Variants in ADAM10 observed in about 807,000 individuals in gnomAD.
The protein encoded by ADAM10 is ADAM metallopeptidase domain 10.
Under a neutral mutation model 90.1 loss-of-function variants are expected in ADAM10, and 17 were observed. That is an observed-to-expected ratio of 0.19 (90% CI 0.13 to 0.28). The LOEUF (loss-of-function observed/expected upper bound fraction) is 0.28. Among genes scored for constraint, ADAM10 ranks in the 10% least tolerant of loss-of-function variants. ADAM10 has a pLI of 1.00. For missense variants in ADAM10, 610 were observed against 914.3 expected, an observed-to-expected ratio of 0.67 and a Z score of 4.29; for synonymous variants, 310 against 298.6, an observed-to-expected ratio of 1.04 and a Z score of -0.40.
chr15:58,723,742 A>G (rs942991138), intron 1 of ADAM10, among the ~76,000 whole-genome samples: 1 of 152,024 alleles, frequency 6.6e-6, no homozygotes, highest in Non-Finnish European at 1.5e-5. Context: ...CACCCACTTT[A>G]TATCATAGCA....
intron 2 of ADAM10, among the ~76,000 whole-genome samples, chr15:58,683,654 G>T (rs935843456): frequency 6.6e-6 from 1 of 151,994 alleles, no homozygotes; most frequent in African/African-American, 2.4e-5. Context: ...CTGAGGTCAG[G>T]AGTTCAAGAC....
At chr15:58,719,282 C>G (rs780976242) in intron 1 of ADAM10, among the ~76,000 whole-genome samples, 1 of 152,074 alleles carries the variant, frequency 6.6e-6, no homozygotes, top group Non-Finnish European at 1.5e-5. Context: ...CGAGATCATG[C>G]CATTGCACTC....
chr15:58,632,258 A>C (rs1896124688), intron 9 of ADAM10, among the ~76,000 whole-genome samples: 1 of 152,200 alleles, frequency 6.6e-6, no homozygotes, highest in South Asian at 2.1e-4. Context: ...ATCGCTGTTA[A>C]TTTTGTTAGG....
At chr15:58,632,645 T>C (rs1257661589) in intron 9 of ADAM10, among the ~76,000 whole-genome samples, 1 of 152,240 alleles carries the variant, frequency 6.6e-6, no homozygotes, top group African/African-American at 2.4e-5. Flanking sequence ...GCACTATTTG[T>C]TCTACTTTTG....
chr15:58,741,762 T>A (rs538463773), intron 1 of ADAM10, among the ~76,000 whole-genome samples: 2,098 of 152,312 alleles, frequency 0.014, 29 homozygotes, highest in Non-Finnish European at 0.019. Context: ...ATCATTCTAA[T>A]CCAAGACTCA....
chr15:58,608,612 T>C (rs538674507), intron 14 of ADAM10, among the ~76,000 whole-genome samples: 225 of 152,322 alleles, frequency 1.5e-3, no homozygotes, highest in Non-Finnish European at 2.8e-3. Context: ...TCAACGTCTA[T>C]GAACTTGAAA....
intron 5 of ADAM10, among the ~76,000 whole-genome samples, chr15:58,649,768 A>C (rs1429581037): frequency 6.6e-6 from 1 of 152,134 alleles, no homozygotes; most frequent in African/African-American, 2.4e-5. Context: ...TATTGTTTTC[A>C]GTGTAAAGCA....
chr15:58,679,065 C>T (rs2140750471), intron 4 of ADAM10, 59 bp downstream of exon 4: 1 of 1,498,032 alleles, frequency 6.7e-7, no homozygotes, highest in Non-Finnish European at 9.2e-7. Flanking sequence ...TGTCTCCACA[C>T]AGTTTTAACT....
At chr15:58,727,198 TTTTTTTTCC>T (rs1899064032) in intron 1 of ADAM10, among the ~76,000 whole-genome samples, 1 of 124,366 alleles carries the variant, frequency 8.0e-6, no homozygotes, top group Non-Finnish European at 1.6e-5. Flanking sequence ...TTTTTTTTTT[TTTTTTTTCC>T]CAAAAACAGC....
At chr15:58,655,717 A>ATATATACTATATATAGTGTG (rs1566982394) in intron 5 of ADAM10, among the ~76,000 whole-genome samples, 1 of 55,458 alleles carries the variant, frequency 1.8e-5, no homozygotes, top group Non-Finnish European at 2.9e-5. Flanking sequence ...TATAGTATAT[A>ATATATACTATATATAGTGTG]TATATATATA....
intron 1 of ADAM10, among the ~76,000 whole-genome samples, chr15:58,728,635 G>T (rs1299281784): frequency 6.6e-6 from 1 of 151,726 alleles, no homozygotes; most frequent in African/African-American, 2.4e-5. Flanking sequence ...TAGGTATATG[G>T]GTTTCTGGCC....
chr15:58,628,663 G>A (rs1192889525), intron 9 of ADAM10, among the ~76,000 whole-genome samples: 3 of 152,128 alleles, frequency 2.0e-5, no homozygotes, highest in African/African-American at 7.2e-5. Flanking sequence ...CCATCCTGGG[G>A]ATATGCACTA....
intron 10 of ADAM10, among the ~76,000 whole-genome samples, chr15:58,623,690 A>G (rs1319057137): frequency 6.6e-6 from 1 of 152,206 alleles, no homozygotes; most frequent in Non-Finnish European, 1.5e-5. Context: ...AGAAGCCATC[A>G]TACCCAGAAA....
Position 58,637,210 on chromosome 15 carries a change from G to A in ADAM10, c.1012+3567C>T, listed in dbSNP as rs1896280013. Among the ~76,000 whole-genome samples, 3 of 152,150 alleles carry A rather than the reference G, an allele frequency of 2.0e-5. No homozygotes were observed. In the South Asian group the frequency reaches 6.2e-4, roughly 32 times the overall value. On this transcript the variant is annotated intron_variant, in intron 8 of 15. Transcript: ENST00000260408. ...CATCTAATCTAAAGAAAACAGAAGA[G>A]ACTATTTCTACCAAATGAAATGCCT...
chr15:58,674,209 A>G (rs1676193850), intron 4 of ADAM10, among the ~76,000 whole-genome samples: 1 of 152,222 alleles, frequency 6.6e-6, no homozygotes, highest in South Asian at 2.1e-4. Context: ...AACTCAGAAA[A>G]AAGGAAAAGA....
chr15:58,730,233 CA>C (rs1408899396), intron 1 of ADAM10, among the ~76,000 whole-genome samples: 8 of 152,004 alleles, frequency 5.3e-5, no homozygotes, highest in Non-Finnish European at 1.0e-4. Context: ...ACCATTTAAG[CA>C]AAAAATACCT....
At chr15:58,657,888 G>GT (rs199921945) in intron 5 of ADAM10, among the ~76,000 whole-genome samples, 21,542 of 141,260 alleles carry the variant, frequency 0.15, 1,763 homozygotes, top group South Asian at 0.33. Context: ...TGGGGTTTGT[G>GT]TTTTTTTTTT....
At chr15:58,670,541 C>A (rs1370079981) in intron 4 of ADAM10, among the ~76,000 whole-genome samples, 3 of 151,914 alleles carry the variant, frequency 2.0e-5, no homozygotes, top group Non-Finnish European at 2.9e-5. Context: ...AAGGAAACAG[C>A]AGAATTTTAT....
intron 1 of ADAM10, among the ~76,000 whole-genome samples, chr15:58,743,784 TTAGTAG>T (rs1899693752): frequency 6.6e-6 from 1 of 152,104 alleles, no homozygotes; most frequent in Admixed American, 6.6e-5. Context: ...TTTTGTATTT[TTAGTAG>T]AGAGGGGGTT....
Sources: allele counts gnomAD v4.1 joint callset (sites outside exome capture counted in the v4.1 genomes callset), GRCh38; gene constraint gnomAD v4.1.1; transcripts MANE v1.5; gene names NCBI Gene and HGNC (gene_info 2026-07-23, HGNC 2026-07-21).